IFT80: variants seen among roughly 807,000 people sequenced by gnomAD.
The protein encoded by IFT80 is intraflagellar transport protein 80 homolog.
A neutral mutation model predicts 107.9 loss-of-function variants in IFT80; 79 were observed. The ratio of observed to expected loss-of-function variants is 0.73; its 90% CI spans 0.61 to 0.88. The LOEUF is 0.88. Ranked by LOEUF, IFT80 falls within the 40% of genes least tolerant of loss-of-function variation. The pLI is 0.00. For missense variants in IFT80, 797 were observed against 914.2 expected (o/e 0.87, Z 1.65); for synonymous variants, 299 against 300.9 (o/e 0.99, Z 0.07).
intron 9 of IFT80, among the ~76,000 whole-genome samples, chr3:160,311,785 T>G (rs898095555): frequency 6.6e-6 from 1 of 152,140 alleles, no homozygotes; most frequent in Non-Finnish European, 1.5e-5. Flanking sequence ...GTTTTTTGTT[T>G]GTCTGTTTTG....
chr3:160,263,969 C>A (rs1298529203), intron 19 of IFT80, among the ~76,000 whole-genome samples: 1 of 152,126 alleles, frequency 6.6e-6, no homozygotes, highest in Admixed American at 6.5e-5. Flanking sequence ...CTGCGTCCAG[C>A]CTATTTATTT....
At chr3:160,293,498 T>C (rs1715732881) in intron 12 of IFT80, among the ~76,000 whole-genome samples, 1 of 152,138 alleles carries the variant, frequency 6.6e-6, no homozygotes, top group African/African-American at 2.4e-5. Context: ...ACATTAGGCA[T>C]ATTCATGCTG....
intron 8 of IFT80, among the ~76,000 whole-genome samples, chr3:160,321,825 A>AT (rs1278881138): frequency 1.3e-5 from 2 of 151,442 alleles, no homozygotes; most frequent in East Asian, 3.8e-4. Context: ...TTTTATTTTT[A>AT]TTTTTTTATA....
At chr3:160,350,841 A>G (rs1720645236) in intron 8 of IFT80, among the ~76,000 whole-genome samples, 1 of 152,180 alleles carries the variant, frequency 6.6e-6, no homozygotes, top group Non-Finnish European at 1.5e-5. Flanking sequence ...TTACCTGAAA[A>G]ATAGTTTCCC....
intron 1 of IFT80, 93 bp from the exon 2 acceptor site, chr3:160,384,739 C>A: frequency 1.2e-6 from 1 of 868,896 alleles, no homozygotes; most frequent in Non-Finnish European, 1.8e-6. Context: ...TCATTGCACC[C>A]CAACGAGCAC....
At chr3:160,343,869 C>A (rs2108339638) in intron 8 of IFT80, 1 of 247,660 alleles carries the variant, frequency 4.0e-6, no homozygotes. Flanking sequence ...ACAACTAGGG[C>A]AAGTACCTGG....
chr3:160,310,342 A>G (rs1717154231), intron 9 of IFT80, among the ~76,000 whole-genome samples: 1 of 152,240 alleles, frequency 6.6e-6, no homozygotes, highest in South Asian at 2.1e-4. Context: ...CACACAGAAA[A>G]TGTTAAAATC....
At chr3:160,309,944 T>C (rs983760196) in intron 9 of IFT80, among the ~76,000 whole-genome samples, 3 of 152,142 alleles carry the variant, frequency 2.0e-5, no homozygotes, top group East Asian at 1.9e-4. Flanking sequence ...TAAAACTCTA[T>C]AATCTTAAAT....
chr3:160,367,346 T>C lies in IFT80; in HGVS notation c.440-1194A>G, dbSNP rs767187997. Among the ~76,000 whole-genome samples, 3 of 152,102 alleles carry C rather than the reference T, an allele frequency of 2.0e-5. No individual in the cohort carries two copies. The East Asian group carries it at 5.8e-4, about 29-fold the overall frequency. ...AAACTGACTCAATGCATAAAGTAAC[T>C]TAAATTTTACATATTAAAATACAAA... is the stretch of plus-strand genomic sequence containing the variant. On this transcript the variant is annotated intron_variant, in intron 5 of 19. Coordinates refer to ENST00000326448, the MANE Select transcript of IFT80 (RefSeq NM_020800.3).
chr3:160,312,935 TATATAATAA>T (rs1384534310), intron 9 of IFT80, among the ~76,000 whole-genome samples: 809 of 51,832 alleles, frequency 0.016, 58 homozygotes, highest in Middle Eastern at 0.021. Context: ...AAATATATAA[TATATAATAA>T]ATATATATTA....
intron 19 of IFT80, among the ~76,000 whole-genome samples, chr3:160,262,389 C>T (rs1332337915): frequency 1.3e-5 from 2 of 152,198 alleles, no homozygotes; most frequent in Non-Finnish European, 2.9e-5. Context: ...CAGGGTCTTG[C>T]TCTGTCACCC....
Position 160,320,823 on chromosome 3 carries a change from A to G in IFT80, c.778-884T>C, listed in dbSNP as rs1016712724. Among the ~76,000 whole-genome samples the G allele has an allele frequency of 1.3e-5, 2 of 151,786 alleles. 1 individual carries two copies. The highest frequency in any genetic ancestry group is 2.9e-5 in the Non-Finnish European group (2 of 67,860). On this transcript the variant is annotated intron_variant, in intron 8 of 19. Coordinates refer to ENST00000326448, the MANE Select transcript of IFT80 (RefSeq NM_020800.3). Reference sequence around the variant, plus strand: ...TTATTTTTTTCCAGAAATACTCATTATTAGCTACAGGCTCACTTTGACAAC... The same window carrying G: ...TTATTTTTTTCCAGAAATACTCATTGTTAGCTACAGGCTCACTTTGACAAC...
chr3:160,308,524 G>C (rs1289072359), intron 9 of IFT80, among the ~76,000 whole-genome samples: 2 of 151,922 alleles, frequency 1.3e-5, no homozygotes, highest in African/African-American at 4.8e-5. Flanking sequence ...ACGTATCTCT[G>C]GTCAATAAAA....
At chr3:160,383,701 C>T (rs896760705) in intron 2 of IFT80, 2 of 985,220 alleles carry the variant, frequency 2.0e-6, no homozygotes, top group African/African-American at 3.5e-5. Flanking sequence ...GTCTAAATGT[C>T]TAAGAATGAT....
chr3:160,391,079 G>A (rs1286163436), intron 1 of IFT80, among the ~76,000 whole-genome samples: 3 of 152,190 alleles, frequency 2.0e-5, no homozygotes, highest in Non-Finnish European at 4.4e-5. Context: ...CTGCAGAAGT[G>A]CCTATGAGCT....
intron 18 of IFT80, among the ~76,000 whole-genome samples, chr3:160,272,413 T>G (rs1265648306): frequency 6.6e-6 from 1 of 152,118 alleles, no homozygotes; most frequent in Non-Finnish European, 1.5e-5. Context: ...AAATAAATGG[T>G]AGGGTAAGGG....
At chr3:160,297,629 T>TA (rs975104072) in intron 12 of IFT80, among the ~76,000 whole-genome samples, 8 of 151,826 alleles carry the variant, frequency 5.3e-5, no homozygotes, top group East Asian at 1.9e-4. Context: ...TTATGAAAAA[T>TA]AAAAAAATAC....
intron 9 of IFT80, among the ~76,000 whole-genome samples, chr3:160,317,338 A>C (rs1033904961): frequency 6.6e-6 from 1 of 152,108 alleles, no homozygotes; most frequent in Non-Finnish European, 1.5e-5. Flanking sequence ...AAAATTTATA[A>C]ATATTATTTT....
intron 12 of IFT80, among the ~76,000 whole-genome samples, chr3:160,293,101 G>A (rs1715696954): frequency 6.6e-6 from 1 of 152,144 alleles, no homozygotes; most frequent in South Asian, 2.1e-4. Context: ...TGAATAAATG[G>A]GTTATGCAAT....
Sources: allele counts gnomAD v4.1 joint callset (sites outside exome capture counted in the v4.1 genomes callset), GRCh38; gene constraint gnomAD v4.1.1; transcripts MANE v1.5; gene names NCBI Gene and HGNC (gene_info 2026-07-23, HGNC 2026-07-21).